SORBS3: variants seen among roughly 807,000 people sequenced by gnomAD.
The protein encoded by SORBS3 is vinexin.
In SORBS3, 69 loss-of-function variants were observed where a neutral mutation model predicts 98.0. That is an observed-to-expected ratio of 0.70 (90% CI 0.58 to 0.86). The LOEUF (loss-of-function observed/expected upper bound fraction) is 0.86, where lower values mean the gene tolerates loss of function less well. Among genes scored for constraint, SORBS3 ranks in the 40% least tolerant of loss-of-function variants. The pLI, the probability that SORBS3 is intolerant of heterozygous loss-of-function variation, is 0.00. For synonymous variants in SORBS3, 394 were observed against 355.4 expected (o/e 1.11, Z -1.22); for missense variants, 954 against 908.5 (o/e 1.05, Z -0.64).
In SORBS3 at chr8:22,554,448, ACAGAGGACACG is replaced by A; in HGVS notation, c.-51_-41del. ...GCTTTCCCTTCCTTCCTCCTTCCCC[ACAGAGGACACG>A]CAGAGGAGCAGCTGGCTTGCCCGGA... On this transcript the variant is annotated splice_acceptor_variant and splice_polypyrimidine_tract_variant and 5_prime_UTR_variant and intron_variant, in exon 2 of 21. Coordinates refer to ENST00000240123, the MANE Select transcript of SORBS3 (RefSeq NM_005775.5). LOFTEE classifies it low-confidence loss of function (5UTR_SPLICE). This position sits in a 1 kb window ranked among gnomAD's most constrained non-coding sequence, Gnocchi z 6.5. The A allele has an allele frequency of 6.3e-7, 1 of 1,579,898 alleles. No homozygotes were observed. The highest frequency in any genetic ancestry group is 1.7e-5 in the Admixed American group (1 of 58,144).
At chr8:22,573,520 C>T (rs1840644719) in intron 20 of SORBS3, 2 of 428,202 alleles carry the variant, frequency 4.7e-6, no homozygotes, top group East Asian at 1.4e-4. Flanking sequence ...ATCTCAAGTG[C>T]CCAACAGCCA....
intron 4 of SORBS3, 55 bp from the exon 5 acceptor site, chr8:22,558,074 G>A (rs1413823393): frequency 6.3e-7 from 1 of 1,578,724 alleles, no homozygotes; most frequent in African/African-American, 1.3e-5. Flanking sequence ...TTTGTGGCTT[G>A]AAATTGGGAG....
At chr8:22,545,754 C>T (rs562728060) in intron 1 of SORBS3, among the ~76,000 whole-genome samples, 81 of 152,356 alleles carry the variant, frequency 5.3e-4, no homozygotes, top group African/African-American at 1.9e-3. Context: ...TCCTTCACTC[C>T]CTTGACGTAG....
chr8:22,567,147 T>G lies in SORBS3; in HGVS notation c.1277T>G (p.Leu426Arg). Reference sequence around the variant, plus strand: ...CTGGAGGGAGAGCACCACGGCCGCCTGGGCATCTTCCCTGCTAATTATGTG... The same window carrying G: ...CTGGAGGGAGAGCACCACGGCCGCCGGGGCATCTTCCCTGCTAATTATGTG... Reference protein sequence around the residue: ...NWLEGEHHGRLGIFPANYVEV... With the variant: ...NWLEGEHHGRRGIFPANYVEV... The change falls in exon 16 of 21, where the codon CTG (leucine) becomes CGG (arginine). Residue 426 changes from leucine to arginine, a missense_variant. Coordinates refer to ENST00000240123, the MANE Select transcript of SORBS3 (RefSeq NM_005775.5). The G allele has an allele frequency of 6.2e-7, 1 of 1,612,102 alleles. No individual in the cohort carries two copies. The highest frequency in any genetic ancestry group is 8.5e-7 in the Non-Finnish European group (1 of 1,179,052).
chr8:22,571,301 G>A lies in SORBS3; in HGVS notation c.1743+80G>A, dbSNP rs556097181. 7.2e-5 allele frequency: 59 copies of A among 816,060 alleles called. No individual in the cohort carries two copies. In the African/African-American group the frequency reaches 8.8e-4, roughly 12 times the overall value. The allele number at this position is 816,060 out of a possible 1,614,324, so 50.6% of individuals were successfully genotyped here. A position where few individuals can be genotyped will look rare whatever the true frequency, so the allele number is the denominator to read the frequency against. ...CACCCCCGTGACTTGTCCACACTTG[G>A]GACTCCTTCCCAGACAGCCCTGGGA... On this transcript the variant is annotated intron_variant, in intron 18 of 20. Coordinates refer to ENST00000240123, the MANE Select transcript of SORBS3 (RefSeq NM_005775.5).
At chr8:22,565,923 AGGGAACGTGGCGCGGCCGGGC>A (rs1840403766) in intron 12 of SORBS3, 51 bp downstream of exon 12, 1 of 1,176,558 alleles carries the variant, frequency 8.5e-7, no homozygotes. Flanking sequence ...GCCGGGCGGG[AGGGAACGTGGCGCGGCCGGGC>A]GGGGCGGACG....
At chr8:22,563,630 G>T (rs919440965) in intron 7 of SORBS3, among the ~76,000 whole-genome samples, 1 of 152,180 alleles carries the variant, frequency 6.6e-6, no homozygotes, top group Non-Finnish European at 1.5e-5. Flanking sequence ...TAGCAAAAAG[G>T]CCCACAGGAG....
chr8:22,558,782 C>T (rs1840236295), intron 5 of SORBS3, among the ~76,000 whole-genome samples: 2 of 152,234 alleles, frequency 1.3e-5, no homozygotes, highest in African/African-American at 4.8e-5. Context: ...GCTGCTCCTT[C>T]ACCCAGGAGC....
chr8:22,556,400 T>C (rs1840183430), intron 3 of SORBS3, among the ~76,000 whole-genome samples: 1 of 152,214 alleles, frequency 6.6e-6, no homozygotes, highest in Non-Finnish European at 1.5e-5. Flanking sequence ...GCATCTTTAC[T>C]GCCACACCCC....
upstream of SORBS3, among the ~76,000 whole-genome samples, chr8:22,550,320 G>A (rs979377828): frequency 2.6e-5 from 4 of 152,192 alleles, no homozygotes; most frequent in African/African-American, 7.2e-5. Context: ...TCAGCTCCCC[G>A]CTCAGTGCAA....
chr8:22,570,586 G>C (rs1413581680), intron 17 of SORBS3, among the ~76,000 whole-genome samples: 1 of 152,204 alleles, frequency 6.6e-6, no homozygotes, highest in Non-Finnish European at 1.5e-5. Flanking sequence ...GGTGGAGCTG[G>C]GTTTGGATCT....
intron 17 of SORBS3, 117 bp downstream of exon 17, chr8:22,569,390 A>G (rs1478316290): frequency 4.4e-6 from 4 of 912,934 alleles, no homozygotes; most frequent in Non-Finnish European, 6.1e-6. Flanking sequence ...GCCAGGCTGT[A>G]GCGCAGTGGT....
Position 22,566,882 on chromosome 8 carries a change from T to TC in SORBS3, c.1190+19dup, listed in dbSNP as rs1487348995. The TC allele has an allele frequency of 6.2e-7, 1 of 1,603,876 alleles. No individual in the cohort carries two copies. Among genetic ancestry groups the TC allele is most frequent in the Admixed American group, 1.7e-5 (1 of 58,628 alleles). ...GCAGTCCCCCAAGTAAGCGCCCTCC[T>TC]CCCCCTCCCCTTCCACCCAAGGCAA... On this transcript the variant is annotated intron_variant, in intron 15 of 20. Transcript: ENST00000240123.
chr8:22,559,487 G>A (rs529242656), intron 5 of SORBS3, among the ~76,000 whole-genome samples: 1 of 152,250 alleles, frequency 6.6e-6, no homozygotes, highest in Non-Finnish European at 1.5e-5. Flanking sequence ...GATTGCCTGA[G>A]CTTAGGAGTT....
At chr8:22,573,081 G>C (rs1360243458) in intron 20 of SORBS3, among the ~76,000 whole-genome samples, 1 of 152,298 alleles carries the variant, frequency 6.6e-6, no homozygotes, top group East Asian at 1.9e-4. Flanking sequence ...GCCCCAAGCA[G>C]GCTTTGAAGC....
At chr8:22,568,949 C>T (rs769808001) in intron 16 of SORBS3, among the ~76,000 whole-genome samples, 199 bp from the exon 17 acceptor site, 1 of 152,214 alleles carries the variant, frequency 6.6e-6, no homozygotes, top group African/African-American at 2.4e-5. Context: ...TTCCAGGGAG[C>T]GTTCCCAGAC....
intron 1 of SORBS3, among the ~76,000 whole-genome samples, chr8:22,553,621 C>T (rs1425809375): frequency 1.3e-5 from 2 of 152,220 alleles, no homozygotes; most frequent in African/African-American, 4.8e-5. Context: ...AGGCATGGTG[C>T]TGCCAGGGAA....
chr8:22,575,252 G>A lies in SORBS3; in HGVS notation c.*524G>A, dbSNP rs1840705718. 1 of 304,560 alleles carries A rather than the reference G, an allele frequency of 3.3e-6. No homozygotes were observed. Among genetic ancestry groups the A allele is most frequent in the Non-Finnish European group, 6.5e-6 (1 of 154,490 alleles). The allele number at this position is 304,560 out of a possible 1,614,324, so 18.9% of individuals were successfully genotyped here. ...GGGCGGAGCAAGGCGGGGGACAGAC[G>A]CAGCACCTTCTTAGCGATCTAGGCC... On this transcript the variant is annotated 3_prime_UTR_variant, in exon 21 of 21. Coordinates refer to ENST00000240123, the MANE Select transcript of SORBS3 (RefSeq NM_005775.5).
At chr8:22,549,266 T>G (rs1298517544), upstream of SORBS3, among the ~76,000 whole-genome samples, 13 of 152,114 alleles carry the variant, frequency 8.5e-5, no homozygotes, top group Admixed American at 7.9e-4. Context: ...GAGAGTGCAG[T>G]GGGATTTGGA....
Sources: allele counts gnomAD v4.1 joint callset (sites outside exome capture counted in the v4.1 genomes callset), GRCh38; gene constraint gnomAD v4.1.1; non-coding constraint Gnocchi (gnomAD v3.1); transcripts MANE v1.5; gene names NCBI Gene and HGNC (gene_info 2026-07-23, HGNC 2026-07-21).